The following PDGFB variants were observed in gnomAD, a reference collection of about 807,000 sequenced individuals.
PDGFB encodes platelet-derived growth factor subunit B.
PDGFB carries 6 observed loss-of-function variants against 29.0 expected under a neutral mutation model. The observed-to-expected ratio is 0.21, with a 90% CI of 0.11 to 0.41. PDGFB has a LOEUF of 0.41. PDGFB is among the 10% of genes least tolerant of loss of function. The pLI is 1.00. For missense variants in PDGFB, 299 were observed against 341.8 expected (o/e 0.87, Z 0.99); for synonymous variants, 144 against 140.8 (o/e 1.02, Z -0.16).
intron 3 of PDGFB, 23 bp downstream of exon 3, chr22:39,233,412 C>A (rs1463246304): frequency 1.3e-6 from 2 of 1,570,764 alleles, no homozygotes; most frequent in Admixed American, 3.6e-5. Context: ...TTGAAGGACC[C>A]TTGTTGGGTG....
In PDGFB at chr22:39,229,567, G is replaced by A. The variant is rs535626661; in HGVS notation, c.601+517C>T. On this transcript the variant is annotated intron_variant, in intron 5 of 6. Coordinates refer to ENST00000331163, the MANE Select transcript of PDGFB (RefSeq NM_002608.4). ...CTCACTATCGGAAGTTGATGTGCGC[G>A]GAGCTTTCTCTCATCCAGGCCCAGA... Among the ~76,000 whole-genome samples, 55 of 152,262 alleles carry A rather than the reference G, an allele frequency of 3.6e-4. 2 individuals carry two copies. The highest frequency in any genetic ancestry group is 3.9e-4 in the East Asian group (2 of 5,186).
intron 1 of PDGFB, among the ~76,000 whole-genome samples, chr22:39,241,408 C>A (rs1032278710): frequency 2.6e-5 from 4 of 152,236 alleles, no homozygotes; most frequent in Non-Finnish European, 5.9e-5. Context: ...CAGGTCCCCT[C>A]CCCCAGGGCC....
Position 39,244,034 on chromosome 22 carries a change from G to T in PDGFB, c.-71C>A, listed in dbSNP as rs1254201752. On this transcript the variant is annotated 5_prime_UTR_variant, in exon 1 of 7. Transcript: ENST00000331163. This position sits in a 1 kb window ranked among gnomAD's most constrained non-coding sequence, Gnocchi z 4.5. ...AGCGCGCCGCCCCCGCGGCCAGGGT[G>T]GGGGGCTGGGGAGGGGGGTGGGCTC... 13 of 914,352 alleles carry T rather than the reference G, an allele frequency of 1.4e-5. No individual in the cohort carries two copies. Among genetic ancestry groups the T allele is most frequent in the Admixed American group, 1.1e-4 (4 of 36,468 alleles). 56.6% of individuals were successfully genotyped at this position (914,352 alleles called of 1,614,324 possible).
intron 5 of PDGFB, 29 bp downstream of exon 5, chr22:39,230,055 C>A: frequency 6.2e-7 from 1 of 1,610,004 alleles, no homozygotes; most frequent in Non-Finnish European, 8.5e-7. Flanking sequence ...GGGAAGGGGG[C>A]TGAGGGCTGA....
In PDGFB at chr22:39,242,822, C is replaced by A. The variant is rs1312496238; in HGVS notation, c.63+1079G>T. 1 of 231,586 alleles carries A rather than the reference C, an allele frequency of 4.3e-6. No individual in the cohort carries two copies. The highest frequency in any genetic ancestry group is 8.5e-6 in the Non-Finnish European group (1 of 117,002). The allele number at this position is 231,586 out of a possible 1,614,324, so 14.3% of individuals were successfully genotyped here. ...GTGCGGGCGAGGTGCGGACTCCCGG[C>A]CGCAGCCGGGCGGAGGTGGGACGGT... On this transcript the variant is annotated intron_variant, in intron 1 of 6. Transcript: ENST00000331163. The surrounding 1 kb of genome is among the most constrained non-coding windows in gnomAD (Gnocchi z 5.7).
chr22:39,236,290 G>C (rs948719227), intron 1 of PDGFB, among the ~76,000 whole-genome samples: 1 of 152,214 alleles, frequency 6.6e-6, no homozygotes, highest in Non-Finnish European at 1.5e-5. Flanking sequence ...GAAAACAAAC[G>C]TTCAAAGAGA....
intron 5 of PDGFB, among the ~76,000 whole-genome samples, chr22:39,229,617 A>G (rs2146435611): frequency 6.6e-6 from 1 of 152,186 alleles, no homozygotes; most frequent in South Asian, 2.1e-4. Flanking sequence ...CCATCCCCAC[A>G]TCCAACAAAG....
intron 5 of PDGFB, among the ~76,000 whole-genome samples, chr22:39,229,775 C>T (rs1487429016): frequency 6.6e-6 from 1 of 152,172 alleles, no homozygotes; most frequent in African/African-American, 2.4e-5. Context: ...TGTTCTTCAG[C>T]CACAGCAGTG....
At chr22:39,230,051 G>C (rs751780212) in intron 5 of PDGFB, 33 bp downstream of exon 5, 18 of 1,606,394 alleles carry the variant, frequency 1.1e-5, no homozygotes, top group East Asian at 4.5e-5. Context: ...GCAGGGGAAG[G>C]GGGCTGAGGG....
At chr22:39,226,503 A>T (rs1044652974) in intron 5 of PDGFB, among the ~76,000 whole-genome samples, 5 of 152,100 alleles carry the variant, frequency 3.3e-5, no homozygotes, top group Admixed American at 3.3e-4. Flanking sequence ...TCTCCAGATG[A>T]CCACAGCCCA....
At chr22:39,236,390 T>C (rs1179691721) in intron 1 of PDGFB, among the ~76,000 whole-genome samples, 2 of 152,100 alleles carry the variant, frequency 1.3e-5, no homozygotes, top group Non-Finnish European at 2.9e-5. Context: ...AAGAGGTGCT[T>C]AATAAACGCG....
chr22:39,240,505 T>TG (rs34350734), intron 1 of PDGFB, among the ~76,000 whole-genome samples: 80,901 of 151,522 alleles, frequency 0.53, 22,891 homozygotes, highest in East Asian at 0.9. Context: ...TCTCTCAAGA[T>TG]GGGGGGCTTT....
Position 39,230,248 on chromosome 22 carries a change from A to G in PDGFB, c.457-20T>C, listed in dbSNP as rs1048321530. 6.2e-7 allele frequency: 1 copy of G among 1,612,976 alleles called. No homozygotes were observed. Among genetic ancestry groups the G allele is most frequent in the Non-Finnish European group, 8.5e-7 (1 of 1,179,940 alleles). On this transcript the variant is annotated intron_variant, in intron 4 of 6. Transcript: ENST00000331163. ...TCTCACCTGGAGGACAGAGCCACAA[A>G]ATGCCTCTGTAGAGACCACACAGCC...
At chr22:39,235,712 C>T in intron 2 of PDGFB, 66 bp downstream of exon 2, 4 of 1,145,048 alleles carry the variant, frequency 3.5e-6, no homozygotes, top group South Asian at 1.3e-5. Flanking sequence ...GCCTCCTGTC[C>T]TGCCCCTCCC....
intron 1 of PDGFB, chr22:39,240,862 A>C: frequency 6.2e-7 from 1 of 1,613,696 alleles, no homozygotes; most frequent in South Asian, 1.1e-5. Flanking sequence ...TACGAGGCCC[A>C]TGATAAACAT....
intron 3 of PDGFB, among the ~76,000 whole-genome samples, 157 bp downstream of exon 3, chr22:39,233,278 G>C (rs558718816): frequency 3.3e-4 from 50 of 152,354 alleles, no homozygotes; most frequent in Admixed American, 1.8e-3. Context: ...GGCATTTAAG[G>C]ATGGTTTTAC....
intron 1 of PDGFB, among the ~76,000 whole-genome samples, chr22:39,238,119 C>A (rs1043635235): frequency 2.0e-5 from 3 of 152,198 alleles, no homozygotes; most frequent in Non-Finnish European, 4.4e-5. Flanking sequence ...AGTGGACACC[C>A]CAGATCCAGG....
chr22:39,234,263 C>G (rs1316868755), intron 2 of PDGFB, among the ~76,000 whole-genome samples: 1 of 152,206 alleles, frequency 6.6e-6, no homozygotes, highest in African/African-American at 2.4e-5. Flanking sequence ...TGACAGCTCC[C>G]TTTTCTAGCC....
rs2146438770 is a variant in PDGFB, at chr22:39,231,541, G to C, written c.456+81C>G. On this transcript the variant is annotated intron_variant, in intron 4 of 6. Transcript: ENST00000331163. The surrounding 1 kb of genome is among the most constrained non-coding windows in gnomAD (Gnocchi z 4.3). ...CACACCACTCTGCCCAGTCAAGGAA[G>C]CCTGGTCAGGTATGAGCCCCAGAAG... 9.6e-7 allele frequency: 1 copy of C among 1,045,916 alleles called. No individual in the cohort carries two copies. Among genetic ancestry groups the C allele is most frequent in the African/African-American group, 1.6e-5 (1 of 62,872 alleles). 64.8% of individuals were successfully genotyped at this position (1,045,916 alleles called of 1,614,324 possible).
Sources: gnomAD v4.1 joint callset for allele counts (sites outside exome capture counted in the v4.1 genomes callset) on GRCh38, gnomAD v4.1.1 for gene constraint, Gnocchi (gnomAD v3.1) non-coding constraint, MANE v1.5 for transcripts, NCBI Gene and HGNC (gene_info 2026-07-23, HGNC 2026-07-21) for gene names.